ROBO1: variants seen among roughly 807,000 people sequenced by gnomAD.
ROBO1 encodes the protein roundabout guidance receptor 1.
Under a neutral mutation model 195.9 loss-of-function variants are expected in ROBO1, and 149 were observed. That is an observed-to-expected ratio of 0.76 (90% CI 0.67 to 0.87). The LOEUF (loss-of-function observed/expected upper bound fraction) is 0.87. Among genes scored for constraint, ROBO1 ranks in the 40% least tolerant of loss-of-function variants. ROBO1 has a pLI of 0.00. For synonymous variants in ROBO1, 816 were observed against 733.2 expected, an observed-to-expected ratio of 1.11 and a Z score of -1.82; for missense variants, 1,933 against 2,068.3, an observed-to-expected ratio of 0.93 and a Z score of 1.27.
At chr3:78,933,883 T>C (rs911977682) in intron 4 of ROBO1, among the ~76,000 whole-genome samples, 3 of 152,002 alleles carry the variant, frequency 2.0e-5, no homozygotes, top group Non-Finnish European at 4.4e-5. Context: ...AAAGTGTCAA[T>C]TTCCCACATG....
At chr3:78,909,363 T>C (rs2107526747) in intron 4 of ROBO1, among the ~76,000 whole-genome samples, 1 of 151,994 alleles carries the variant, frequency 6.6e-6, no homozygotes, top group African/African-American at 2.4e-5. Context: ...TTTCCTATTG[T>C]TTAGAAGTAT....
At chr3:78,687,907 A>C (rs1247556731) in intron 9 of ROBO1, among the ~76,000 whole-genome samples, 1 of 152,218 alleles carries the variant, frequency 6.6e-6, no homozygotes, top group African/African-American at 2.4e-5. Flanking sequence ...CTGAGATTAC[A>C]AGCATGAGTC....
intron 2 of ROBO1, among the ~76,000 whole-genome samples, chr3:79,245,283 T>C (rs1299420702): frequency 6.6e-6 from 1 of 152,140 alleles, no homozygotes; most frequent in African/African-American, 2.4e-5. Flanking sequence ...AATATTTTCA[T>C]ATGGCAAACT....
chr3:79,688,502 C>A (rs942665703), intron 1 of ROBO1, among the ~76,000 whole-genome samples: 3 of 151,972 alleles, frequency 2.0e-5, no homozygotes, highest in African/African-American at 7.2e-5. Context: ...TGCCAATATT[C>A]TAATCATTTC....
At chr3:79,635,695 C>A (rs1185607815) in intron 1 of ROBO1, among the ~76,000 whole-genome samples, 2 of 152,108 alleles carry the variant, frequency 1.3e-5, no homozygotes, top group African/African-American at 4.8e-5. Context: ...TTGTATACAG[C>A]AGTCACAAGA....
intron 2 of ROBO1, among the ~76,000 whole-genome samples, chr3:79,253,978 TG>T (rs970178710): frequency 4.8e-4 from 73 of 152,322 alleles, no homozygotes; most frequent in Admixed American, 4.6e-3. Flanking sequence ...TTTTCTAGTG[TG>T]CCTTGTTAGG....
intron 1 of ROBO1, among the ~76,000 whole-genome samples, chr3:79,759,548 A>G (rs370636686): frequency 1.3e-4 from 20 of 152,354 alleles, no homozygotes; most frequent in African/African-American, 4.3e-4. Flanking sequence ...TACTCTATAA[A>G]GAACTAAAAC....
chr3:78,713,324 G>C (rs1287036175), intron 8 of ROBO1, among the ~76,000 whole-genome samples: 1 of 152,042 alleles, frequency 6.6e-6, no homozygotes, highest in African/African-American at 2.4e-5. Flanking sequence ...AAAGCCCACA[G>C]TAGAAATGCT....
chr3:79,416,706 T>C (rs1160954059), intron 2 of ROBO1, among the ~76,000 whole-genome samples: 1 of 152,036 alleles, frequency 6.6e-6, no homozygotes, highest in Non-Finnish European at 1.5e-5. Context: ...GATGCAACCA[T>C]AGCTATTATT....
chr3:79,344,721 G>GGAGA (rs138663051), intron 2 of ROBO1, among the ~76,000 whole-genome samples: 1 of 150,056 alleles, frequency 6.7e-6, no homozygotes, highest in African/African-American at 2.4e-5. Context: ...ATATATATAT[G>GGAGA]GAGAGAGAGA....
chr3:78,731,323 G>T (rs897761315), intron 5 of ROBO1, among the ~76,000 whole-genome samples: 3 of 151,992 alleles, frequency 2.0e-5, no homozygotes, highest in Non-Finnish European at 4.4e-5. Flanking sequence ...TCAGAATCTT[G>T]TGCATCCTAG....
At chr3:78,983,667 C>G (rs966708507) in intron 3 of ROBO1, among the ~76,000 whole-genome samples, 1 of 152,064 alleles carries the variant, frequency 6.6e-6, no homozygotes, top group African/African-American at 2.4e-5. Context: ...AGTTAAGCAA[C>G]AAAACACAAA....
chr3:79,275,561 A>T (rs2030959000), intron 2 of ROBO1, among the ~76,000 whole-genome samples: 1 of 151,912 alleles, frequency 6.6e-6, no homozygotes, highest in East Asian at 1.9e-4. Flanking sequence ...TTCCCACTAA[A>T]ATCTGGAACA....
At chr3:78,781,616 A>G in intron 4 of ROBO1, among the ~76,000 whole-genome samples, 1 of 152,164 alleles carries the variant, frequency 6.6e-6, no homozygotes, top group Non-Finnish European at 1.5e-5. Context: ...TCTCACACCT[A>G]GATTCAGAAA....
At chr3:78,763,042 C>T (rs1274163602) in intron 4 of ROBO1, among the ~76,000 whole-genome samples, 1 of 152,062 alleles carries the variant, frequency 6.6e-6, no homozygotes, top group Non-Finnish European at 1.5e-5. Flanking sequence ...TATTCCTAAA[C>T]TCTATAAATA....
At chr3:79,704,239 GTTATATA>G (rs1947703173) in intron 1 of ROBO1, among the ~76,000 whole-genome samples, 1 of 151,788 alleles carries the variant, frequency 6.6e-6, no homozygotes, top group African/African-American at 2.4e-5. Context: ...CACTCTTGGT[GTTATATA>G]TTATATTTTA....
At chr3:78,681,026 C>T (rs1421961565) in intron 10 of ROBO1, among the ~76,000 whole-genome samples, 21 of 151,764 alleles carry the variant, frequency 1.4e-4, no homozygotes, top group African/African-American at 4.1e-4. Flanking sequence ...AGTTCATGTC[C>T]TTTGTAGGGA....
chr3:78,978,932 A>T (rs2076937094), intron 3 of ROBO1, among the ~76,000 whole-genome samples: 1 of 152,194 alleles, frequency 6.6e-6, no homozygotes, highest in Admixed American at 6.5e-5. Flanking sequence ...TCAAGTTCTG[A>T]CATCTCCCTT....
At chr3:79,354,092 C>T (rs1307201730) in intron 2 of ROBO1, among the ~76,000 whole-genome samples, 1 of 151,946 alleles carries the variant, frequency 6.6e-6, no homozygotes, top group Non-Finnish European at 1.5e-5. Context: ...TTAGGAAGGG[C>T]ACTATACTAC....
Sources: allele counts gnomAD v4.1 joint callset (sites outside exome capture counted in the v4.1 genomes callset), GRCh38; gene constraint gnomAD v4.1.1; transcripts MANE v1.5; gene names NCBI Gene and HGNC (gene_info 2026-07-23, HGNC 2026-07-21).